MAPK10: variants seen among roughly 807,000 people sequenced by gnomAD.
The protein encoded by MAPK10 is mitogen-activated protein kinase 10, also known as JNK3 alpha protein kinase.
Under a neutral mutation model 59.3 loss-of-function variants are expected in MAPK10, and 25 were observed. That is an observed-to-expected ratio of 0.42 (90% CI 0.31 to 0.59). The LOEUF (loss-of-function observed/expected upper bound fraction) is 0.59. Among genes scored for constraint, MAPK10 ranks in the 20% least tolerant of loss-of-function variants. The probability of loss-of-function intolerance (pLI) is 0.15; values close to 1 mark genes in which losing one functional copy is unlikely to be tolerated. For synonymous variants in MAPK10, 190 were observed against 200.5 expected, an observed-to-expected ratio of 0.95 and a Z score of 0.44; for missense variants, 351 against 568.9, an observed-to-expected ratio of 0.62 and a Z score of 3.90.
chr4:86,020,240 C>T (rs1163935886), intron 13 of MAPK10: 1 of 152,216 alleles, frequency 6.6e-6, no homozygotes, highest in East Asian at 1.9e-4. Context: ...CTTATCCATG[C>T]TGTGGCATGT....
chr4:86,475,549 C>T (rs1029657699), intron 1 of MAPK10, among the ~76,000 whole-genome samples: 7 of 152,128 alleles, frequency 4.6e-5, no homozygotes, highest in East Asian at 1.9e-4. Flanking sequence ...ACTCTGGCGC[C>T]GGTCACGGAC....
intron 1 of MAPK10, among the ~76,000 whole-genome samples, chr4:86,437,903 T>C (rs903475741): frequency 6.6e-6 from 1 of 152,200 alleles, no homozygotes; most frequent in Non-Finnish European, 1.5e-5. Flanking sequence ...TGGAATATTC[T>C]ATAACAATAA....
At chr4:86,232,711 C>T (rs1035192183) in intron 2 of MAPK10, among the ~76,000 whole-genome samples, 2 of 152,242 alleles carry the variant, frequency 1.3e-5, no homozygotes, top group Middle Eastern at 6.8e-3. Context: ...TATGTTTAAC[C>T]AAATTCAAAC....
intron 9 of MAPK10, 68 bp from the exon 10 acceptor site, chr4:86,068,023 ACT>A: frequency 1.9e-6 from 2 of 1,050,572 alleles, no homozygotes; most frequent in South Asian, 3.8e-5. Flanking sequence ...TGGGAGACTA[ACT>A]CTTCTCAAAG....
chr4:86,187,213 T>C (rs891345309), intron 3 of MAPK10, among the ~76,000 whole-genome samples: 1 of 152,132 alleles, frequency 6.6e-6, no homozygotes, highest in Non-Finnish European at 1.5e-5. Flanking sequence ...ATACCTATGA[T>C]AAAGTTTAAT....
chr4:86,554,117 A>T (rs1409148174), intron 1 of MAPK10, among the ~76,000 whole-genome samples: 1 of 152,086 alleles, frequency 6.6e-6, no homozygotes, highest in Non-Finnish European at 1.5e-5. Context: ...AACGGGAAAG[A>T]TTTGAACTGA....
At chr4:86,468,650 T>C (rs991724769) in intron 1 of MAPK10, among the ~76,000 whole-genome samples, 2 of 152,132 alleles carry the variant, frequency 1.3e-5, no homozygotes, top group African/African-American at 4.8e-5. Context: ...GGTCAGGAGT[T>C]TGGGATCAGC....
chr4:86,359,054 G>A (rs1424793406), intron 1 of MAPK10, among the ~76,000 whole-genome samples: 3 of 151,782 alleles, frequency 2.0e-5, no homozygotes, highest in South Asian at 2.1e-4. Context: ...CAAGAGTAAC[G>A]CCAATAGTTT....
At chr4:86,439,903 A>G (rs1267217623) in intron 1 of MAPK10, among the ~76,000 whole-genome samples, 1 of 152,218 alleles carries the variant, frequency 6.6e-6, no homozygotes, top group Non-Finnish European at 1.5e-5. Flanking sequence ...TCAGCCTTCT[A>G]GCCCCAAAAT....
intron 1 of MAPK10, among the ~76,000 whole-genome samples, chr4:86,534,775 A>G (rs1001949313): frequency 6.6e-6 from 1 of 152,014 alleles, no homozygotes; most frequent in Non-Finnish European, 1.5e-5. Context: ...GCGTAGTGGC[A>G]CACACCTGTA....
chr4:86,565,973 T>TA (rs1761034049), intron 1 of MAPK10, among the ~76,000 whole-genome samples: 1 of 152,212 alleles, frequency 6.6e-6, no homozygotes, highest in African/African-American at 2.4e-5. Context: ...AAGTCTCTTG[T>TA]AACTTCTCCA....
At chr4:86,243,183 T>G (rs930039976) in intron 2 of MAPK10, among the ~76,000 whole-genome samples, 8 of 151,550 alleles carry the variant, frequency 5.3e-5, no homozygotes, top group Non-Finnish European at 8.8e-5. Flanking sequence ...GTTTATTATG[T>G]TTTTTTTTCC....
At chr4:86,373,393 A>G (rs1739222162) in intron 1 of MAPK10, among the ~76,000 whole-genome samples, 1 of 152,062 alleles carries the variant, frequency 6.6e-6, no homozygotes, top group Admixed American at 6.6e-5. Context: ...AGCAACAAAA[A>G]CCAAAACTGA....
intron 2 of MAPK10, among the ~76,000 whole-genome samples, chr4:86,282,483 A>G (rs1412039367): frequency 6.6e-6 from 1 of 152,176 alleles, no homozygotes; most frequent in Non-Finnish European, 1.5e-5. Flanking sequence ...ACTAGCCAGA[A>G]AAAGTAGAAA....
At chr4:86,378,380 G>A (rs756905790) in intron 1 of MAPK10, among the ~76,000 whole-genome samples, 17 of 152,098 alleles carry the variant, frequency 1.1e-4, no homozygotes, top group African/African-American at 2.7e-4. Context: ...CAGTTCATTC[G>A]GAACTCACTG....
chr4:86,092,859 C>G (rs1418993214), intron 9 of MAPK10, among the ~76,000 whole-genome samples: 1 of 151,980 alleles, frequency 6.6e-6, no homozygotes, highest in East Asian at 1.9e-4. Context: ...AATTCTGATT[C>G]ATCACATTCT....
At chr4:86,098,687 T>C (rs1186702082) in intron 8 of MAPK10, 92 bp from the exon 9 acceptor site, 1 of 1,110,810 alleles carries the variant, frequency 9.0e-7, no homozygotes, top group East Asian at 2.4e-5. Context: ...AAAAGAACAG[T>C]TTGATTAAAA....
intron 1 of MAPK10, among the ~76,000 whole-genome samples, chr4:86,586,610 T>C (rs2149115131): frequency 6.6e-6 from 1 of 152,346 alleles, no homozygotes; most frequent in East Asian, 1.9e-4. Flanking sequence ...ATAAAACCTT[T>C]GCAGTTTAAC....
chr4:86,183,622 T>C (rs28783973), intron 3 of MAPK10, among the ~76,000 whole-genome samples: 12,881 of 152,080 alleles, frequency 0.085, 1,212 homozygotes, highest in African/African-American at 0.23. Context: ...GTCTTTATAG[T>C]GGCATGATTT....
Sources: allele counts gnomAD v4.1 joint callset (sites outside exome capture counted in the v4.1 genomes callset), GRCh38; gene constraint gnomAD v4.1.1; transcripts MANE v1.5; gene names NCBI Gene and HGNC (gene_info 2026-07-23, HGNC 2026-07-21).